The following PHLPP2 variants were observed in gnomAD, a reference collection of about 807,000 sequenced individuals.
PHLPP2 encodes PH domain leucine-rich repeat-containing protein phosphatase 2.
PHLPP2 carries 66 observed loss-of-function variants against 124.9 expected under a neutral mutation model. That is an observed-to-expected ratio of 0.53 (90% CI 0.43 to 0.65). The LOEUF is 0.65. Among genes scored for constraint, PHLPP2 ranks in the 30% least tolerant of loss-of-function variants. The pLI is 0.00. For missense variants in PHLPP2, 1,685 were observed against 1,600.4 expected (o/e 1.05, Z -0.90); for synonymous variants, 681 against 624.7 (o/e 1.09, Z -1.34).
chr16:71,668,538 C>T (rs1442930603), intron 11 of PHLPP2, among the ~76,000 whole-genome samples: 1 of 151,630 alleles, frequency 6.6e-6, no homozygotes, highest in East Asian at 1.9e-4. Flanking sequence ...GAGATGGGCC[C>T]ATTGCTTGAG....
chr16:71,658,180 C>G, intron 15 of PHLPP2, 53 bp downstream of exon 15: 1 of 1,529,340 alleles, frequency 6.5e-7, no homozygotes, highest in Non-Finnish European at 9.0e-7. Context: ...AAGACCTACA[C>G]ATGGCTGGTG....
chr16:71,709,781 T>C (rs1230932020), intron 2 of PHLPP2, among the ~76,000 whole-genome samples: 1 of 152,206 alleles, frequency 6.6e-6, no homozygotes, highest in Non-Finnish European at 1.5e-5. Flanking sequence ...GGGAAGTTTC[T>C]GACTTTTGGG....
chr16:71,694,559 G>C (rs995262401), intron 3 of PHLPP2, among the ~76,000 whole-genome samples: 1 of 152,056 alleles, frequency 6.6e-6, no homozygotes, highest in Non-Finnish European at 1.5e-5. Flanking sequence ...AAAAGTTACA[G>C]GCTGGAAAAA....
At chr16:71,661,404 C>T (rs1055539627) in intron 13 of PHLPP2, among the ~76,000 whole-genome samples, 29 of 152,126 alleles carry the variant, frequency 1.9e-4, no homozygotes, top group African/African-American at 7.0e-4. Context: ...TTCTTATTTT[C>T]ATTTTCTTTG....
At chr16:71,719,455 G>T (rs957411305) in intron 1 of PHLPP2, among the ~76,000 whole-genome samples, 1 of 152,188 alleles carries the variant, frequency 6.6e-6, no homozygotes, top group Non-Finnish European at 1.5e-5. Context: ...CATGAGAATC[G>T]CTTGAACACA....
At chr16:71,663,553 GAATA>G (rs1425915217) in intron 13 of PHLPP2, among the ~76,000 whole-genome samples, 6 of 152,118 alleles carry the variant, frequency 3.9e-5, no homozygotes, top group African/African-American at 1.4e-4. Context: ...TTTGTATTAT[GAATA>G]AATAGATAAC....
At chr16:71,652,395 T>C (rs548942284) in intron 18 of PHLPP2, among the ~76,000 whole-genome samples, 7 of 152,190 alleles carry the variant, frequency 4.6e-5, no homozygotes, top group Admixed American at 1.3e-4. Context: ...CTACACCACA[T>C]AGAGTATAAA....
intron 11 of PHLPP2, among the ~76,000 whole-genome samples, chr16:71,668,714 T>A (rs567771467): frequency 7.3e-5 from 11 of 149,882 alleles, no homozygotes; most frequent in Admixed American, 5.3e-4. Flanking sequence ...CAGTGAGGAG[T>A]GACTGTGCCA....
chr16:71,644,947 G>C lies in PHLPP2; in HGVS notation c.*3943C>G, dbSNP rs923125899. 3.2e-6 allele frequency: 1 copy of C among 316,398 alleles called. No homozygotes were observed. Among genetic ancestry groups the C allele is most frequent in the South Asian group, 2.5e-5 (1 of 40,262 alleles). The allele number at this position is 316,398 out of a possible 1,614,324, so 19.6% of individuals were successfully genotyped here. A position where few individuals can be genotyped will look rare whatever the true frequency, so the allele number is the denominator to read the frequency against. The stretch of plus-strand genomic sequence containing the variant: ...CATTTTAAAACAAAGCCATGAAAAA[G>C]ATTCCACTTTATTTTATTTATTATT... On this transcript the variant is annotated 3_prime_UTR_variant, in exon 19 of 19. Transcript: ENST00000568954.
intron 2 of PHLPP2, 137 bp from the exon 3 acceptor site, chr16:71,702,868 G>A (rs986244862): frequency 1.1e-5 from 6 of 549,562 alleles, no homozygotes; most frequent in Admixed American, 3.1e-5. Context: ...GCTTAGTAGT[G>A]AAGTCTGGGC....
Position 71,646,894 on chromosome 16 carries a change from C to T in PHLPP2, c.*1996G>A, listed in dbSNP as rs1169302983. On this transcript the variant is annotated 3_prime_UTR_variant, in exon 19 of 19. Coordinates refer to ENST00000568954, the MANE Select transcript of PHLPP2 (RefSeq NM_015020.3). Reference sequence around the variant, plus strand: ...AAGTTCAGATTCTCGAGGGGTTGAACATTAGACATCCATTAGAGTGTACCA... The same window carrying T: ...AAGTTCAGATTCTCGAGGGGTTGAATATTAGACATCCATTAGAGTGTACCA... The T allele has an allele frequency of 6.6e-6, 1 of 152,308 alleles. No individual in the cohort carries two copies. Among genetic ancestry groups the T allele is most frequent in the African/African-American group, 2.4e-5 (1 of 41,390 alleles). The allele number at this position is 152,308 out of a possible 1,614,324, so 9.4% of individuals were successfully genotyped here.
Position 71,714,644 on chromosome 16 carries a change from G to A in PHLPP2, c.152C>T (p.Ser51Phe). The A allele has an allele frequency of 1.2e-6, 2 of 1,613,790 alleles. No homozygotes were observed. The highest frequency in any genetic ancestry group is 1.7e-6 in the Non-Finnish European group (2 of 1,179,724). The change falls in exon 2 of 19, where the codon TCT becomes TTT. Residue 51 changes from serine (S) to phenylalanine (F), a missense_variant. By Grantham distance (155) the Ser-to-Phe change is radical. Transcript: ENST00000568954. ...GGAAGAGGAGGAGGAGGAAGAGGAA[G>A]AGGAGGTGGTGGTGGTTGTAGTGGC... ...TTATTTTTTS[S>F]SSSSSSSSSD...
At chr16:71,691,700 C>T (rs924601843) in intron 3 of PHLPP2, among the ~76,000 whole-genome samples, 1 of 152,066 alleles carries the variant, frequency 6.6e-6, no homozygotes, top group Non-Finnish European at 1.5e-5. Flanking sequence ...CTTCAATCAA[C>T]TATTCCGATC....
intron 6 of PHLPP2, among the ~76,000 whole-genome samples, chr16:71,680,575 G>C (rs1328860707): frequency 6.6e-6 from 1 of 152,194 alleles, no homozygotes; most frequent in Non-Finnish European, 1.5e-5. Flanking sequence ...CTTTTTATGA[G>C]AGACTCTGGT....
At chr16:71,688,049 A>G (rs946144313) in intron 4 of PHLPP2, among the ~76,000 whole-genome samples, 2 of 152,186 alleles carry the variant, frequency 1.3e-5, no homozygotes. Flanking sequence ...GTTACACTGG[A>G]CATATGTTTG....
In PHLPP2 at chr16:71,678,834, C is replaced by T. The variant is rs753525523; in HGVS notation, c.1189G>A (p.Val397Ile). ...ACTTCCAGGCAATTTCCTGCCATAA[C>T]CACTCTATCTAACATAGTGAGTTTC... ...YEKLTMLDRV[V>I]MAGNCLEVLN... is the part of the protein sequence containing the mutation. Residue 397 changes from valine to isoleucine, a missense_variant, in exon 8 of 19, where the codon GTT (valine) becomes ATT (isoleucine). Val to Ile is a conservative substitution (Grantham distance 29). Transcript: ENST00000568954. 4 of 1,612,520 alleles carry T rather than the reference C, an allele frequency of 2.5e-6. No individual in the cohort carries two copies. The highest frequency in any genetic ancestry group is 2.7e-5 in the African/African-American group (2 of 74,884).
intron 6 of PHLPP2, among the ~76,000 whole-genome samples, chr16:71,679,745 AACC>A (rs2044979752): frequency 1.3e-5 from 2 of 152,196 alleles, no homozygotes; most frequent in African/African-American, 2.4e-5. Flanking sequence ...TGATGAAGGA[AACC>A]ACGTCTAGCA....
intron 1 of PHLPP2, among the ~76,000 whole-genome samples, chr16:71,717,972 G>A (rs1182411958): frequency 6.6e-6 from 1 of 152,182 alleles, no homozygotes; most frequent in African/African-American, 2.4e-5. Context: ...GCCCACGGCA[G>A]CTTCGAACTC....
chr16:71,668,934 A>G (rs1000732369), intron 11 of PHLPP2, among the ~76,000 whole-genome samples: 2 of 152,212 alleles, frequency 1.3e-5, no homozygotes, highest in African/African-American at 4.8e-5. Context: ...TAAGATCATA[A>G]AAGTGATGTT....
Sources: gnomAD v4.1 joint callset for allele counts (sites outside exome capture counted in the v4.1 genomes callset) on GRCh38, gnomAD v4.1.1 for gene constraint, MANE v1.5 for transcripts, NCBI Gene and HGNC (gene_info 2026-07-23, HGNC 2026-07-21) for gene names.